SUCLG2: variants seen among roughly 807,000 people sequenced by gnomAD.
SUCLG2 encodes succinate--CoA ligase [GDP-forming] subunit beta, mitochondrial.
Under a neutral mutation model 47.9 loss-of-function variants are expected in SUCLG2, and 42 were observed. The observed-to-expected ratio is 0.88, with a 90% CI of 0.69 to 1.14. SUCLG2 has a LOEUF of 1.14. SUCLG2 is among the 50% of genes most tolerant of loss of function. SUCLG2 has a pLI of 0.00. For missense variants in SUCLG2, 571 were observed against 525.9 expected (o/e 1.09, Z -0.84); for synonymous variants, 195 against 197.3 (o/e 0.99, Z 0.10).
At chr3:67,536,743 G>A (rs568727818) in intron 2 of SUCLG2, among the ~76,000 whole-genome samples, 1 of 152,268 alleles carries the variant, frequency 6.6e-6, no homozygotes, top group East Asian at 1.9e-4. Context: ...TTCAGGCTGG[G>A]CAACTTATTT....
chr3:67,373,278 CAG>C (rs1177703866), downstream of SUCLG2, among the ~76,000 whole-genome samples: 1 of 148,702 alleles, frequency 6.7e-6, no homozygotes, highest in African/African-American at 2.5e-5. Flanking sequence ...TTTTTTTCCT[CAG>C]AGAGAAAACT....
chr3:67,475,570 T>C (rs1704727595), intron 9 of SUCLG2, among the ~76,000 whole-genome samples: 1 of 152,216 alleles, frequency 6.6e-6, no homozygotes, highest in South Asian at 2.1e-4. Flanking sequence ...AAGACATGTC[T>C]TGTGGTCCAA....
chr3:67,476,220 G>T (rs1022638377), intron 9 of SUCLG2, among the ~76,000 whole-genome samples: 1 of 151,918 alleles, frequency 6.6e-6, no homozygotes, highest in Non-Finnish European at 1.5e-5. Flanking sequence ...GAACTGGGCC[G>T]CACAGCAGGA....
intron 7 of SUCLG2, among the ~76,000 whole-genome samples, chr3:67,499,639 G>T (rs2107072154): frequency 6.6e-6 from 1 of 152,208 alleles, no homozygotes; most frequent in South Asian, 2.1e-4. Context: ...TGGTATCTGG[G>T]TATCTGACCC....
intron 9 of SUCLG2, among the ~76,000 whole-genome samples, chr3:67,434,810 T>C (rs13079607): frequency 0.033 from 5,080 of 152,286 alleles, 108 homozygotes; most frequent in African/African-American, 0.057. Context: ...AGTTCATTTC[T>C]TTTCTCTTTT....
intron 9 of SUCLG2, among the ~76,000 whole-genome samples, chr3:67,483,108 C>T (rs1353109906): frequency 2.0e-5 from 3 of 152,064 alleles, no homozygotes; most frequent in Admixed American, 2.0e-4. Flanking sequence ...ATGAAGCATT[C>T]TCAGGAGAGG....
At chr3:67,461,252 T>C (rs1704325204) in intron 9 of SUCLG2, among the ~76,000 whole-genome samples, 1 of 152,164 alleles carries the variant, frequency 6.6e-6, no homozygotes, top group East Asian at 1.9e-4. Flanking sequence ...CTCCAAACGA[T>C]ACTCAGGGTT....
chr3:67,457,474 C>A (rs1010839805), intron 9 of SUCLG2, among the ~76,000 whole-genome samples: 3 of 151,960 alleles, frequency 2.0e-5, no homozygotes, highest in African/African-American at 7.3e-5. Flanking sequence ...CTCAGACCTG[C>A]TTGAATTGGG....
intron 2 of SUCLG2, among the ~76,000 whole-genome samples, chr3:67,580,929 T>C (rs1707864557): frequency 6.6e-6 from 1 of 152,170 alleles, no homozygotes; most frequent in Non-Finnish European, 1.5e-5. Context: ...CCTAAATGGG[T>C]ATATGAACAG....
chr3:67,406,023 T>A (rs977320172), intron 9 of SUCLG2, among the ~76,000 whole-genome samples: 1 of 152,024 alleles, frequency 6.6e-6, no homozygotes, highest in Non-Finnish European at 1.5e-5. Context: ...CTACAATGAG[T>A]GATGGCTTAG....
chr3:67,406,262 A>G (rs1226170051), intron 9 of SUCLG2, among the ~76,000 whole-genome samples: 1 of 152,242 alleles, frequency 6.6e-6, no homozygotes, highest in African/African-American at 2.4e-5. Context: ...ATAAAAAGTT[A>G]TTAATTTAAT....
At position 67,534,386 on chromosome 3, in the gene SUCLG2, CTAAAT is replaced by C. The variant is rs913567152; in HGVS notation, c.227-5205_227-5201del. On this transcript the variant is annotated intron_variant, in intron 2 of 10. Transcript: ENST00000307227. ...TTAATTTTAGTCCCTATAAAAATTC[CTAAAT>C]TAAAGTTTATTAAATCACAGTTTTT... Among the ~76,000 whole-genome samples, 55 of 151,908 alleles carry C rather than the reference CTAAAT, an allele frequency of 3.6e-4. 1 individual carries two copies. The South Asian group carries it at 6.0e-3, about 17-fold the overall frequency.
rs569047263 is a variant in SUCLG2, at chr3:67,626,437, T to C, written c.85-16841A>G. 1.0e-3 allele frequency among the ~76,000 whole-genome samples: 152 copies of C among 151,764 alleles called. No individual in the cohort carries two copies. In the Middle Eastern group the frequency reaches 0.01, roughly 10 times the overall value. On this transcript the variant is annotated intron_variant, in intron 1 of 10. Coordinates refer to ENST00000307227, the MANE Select transcript of SUCLG2 (RefSeq NM_003848.4). ...GGGTACACGGGCCCAAGAGATGAAA[T>C]AGTGCCTCAGGGGACTACTAACAGG... is the stretch of plus-strand genomic sequence containing the variant.
chr3:67,588,839 G>GCT (rs1708087895), intron 2 of SUCLG2, among the ~76,000 whole-genome samples: 1 of 152,152 alleles, frequency 6.6e-6, no homozygotes, highest in Non-Finnish European at 1.5e-5. Context: ...TTTAATATTG[G>GCT]CAAAATGATT....
At chr3:67,517,221 T>TA (rs931254484) in intron 6 of SUCLG2, among the ~76,000 whole-genome samples, 4 of 152,204 alleles carry the variant, frequency 2.6e-5, no homozygotes, top group Non-Finnish European at 5.9e-5. Flanking sequence ...AGCATATATA[T>TA]TTTTTAAAAC....
intron 8 of SUCLG2, among the ~76,000 whole-genome samples, chr3:67,497,309 G>A (rs1705373250): frequency 6.6e-6 from 1 of 152,130 alleles, no homozygotes; most frequent in Non-Finnish European, 1.5e-5. Flanking sequence ...ATTCCATTAA[G>A]ATTAAGACCT....
At chr3:67,375,922 A>G in intron 10 of SUCLG2, 63 bp from the exon 11 acceptor site, 1 of 1,565,126 alleles carries the variant, frequency 6.4e-7, no homozygotes, top group Non-Finnish European at 8.7e-7. Context: ...TGAAGTTTGC[A>G]CAAGGACACA....
chr3:67,510,402 G>T (rs1337921824), intron 6 of SUCLG2, among the ~76,000 whole-genome samples: 1 of 152,098 alleles, frequency 6.6e-6, no homozygotes, highest in African/African-American at 2.4e-5. Context: ...TATTTGCATA[G>T]GTAGATAATA....
intron 9 of SUCLG2, among the ~76,000 whole-genome samples, chr3:67,439,422 T>C (rs911790880): frequency 1.3e-5 from 2 of 152,134 alleles, no homozygotes; most frequent in South Asian, 2.1e-4. Flanking sequence ...GGTATTCAAA[T>C]AGGAAAAGAG....
Sources: allele counts gnomAD v4.1 joint callset (sites outside exome capture counted in the v4.1 genomes callset), GRCh38; gene constraint gnomAD v4.1.1; transcripts MANE v1.5; gene names NCBI Gene and HGNC (gene_info 2026-07-23, HGNC 2026-07-21).